TRAPPC13: variants seen among roughly 807,000 people sequenced by gnomAD.
The protein encoded by TRAPPC13 is trafficking protein particle complex subunit 13, also known as REV7-interacting novel NHEJ regulator 1.
Under a neutral mutation model 54.0 loss-of-function variants are expected in TRAPPC13, and 39 were observed. The ratio of observed to expected loss-of-function variants is 0.72; its 90% CI spans 0.56 to 0.94. The LOEUF (loss-of-function observed/expected upper bound fraction) is 0.94, where lower values mean the gene tolerates loss of function less well. TRAPPC13 is among the 40% of genes least tolerant of loss of function. TRAPPC13 has a pLI of 0.00. For synonymous variants in TRAPPC13, 148 were observed against 167.7 expected (o/e 0.88, Z 0.91); for missense variants, 386 against 488.1 (o/e 0.79, Z 1.97).
At position 65,644,586 on chromosome 5, in the gene TRAPPC13, G is replaced by A. The variant is rs77877713; in HGVS notation, c.301-2469G>A. On this transcript the variant is annotated intron_variant, in intron 4 of 12. Transcript: ENST00000399438. ...TCTTTTTTTCTCTAATTTCAAAAAT[G>A]TTTAAGAATTTATATCTGGGCGCAG... Among the ~76,000 whole-genome samples the A allele has an allele frequency of 7.9e-3, 1,209 of 152,244 alleles. 11 individuals are homozygous for A. Among genetic ancestry groups the A allele is most frequent in the Non-Finnish European group, 0.011 (744 of 68,020 alleles).
Position 65,650,879 on chromosome 5 carries a change from T to C in TRAPPC13, c.498T>C (p.Phe166=). The change falls in exon 6 of 13, where the codon TTT becomes TTC. Residue 166 remains phenylalanine, a synonymous_variant. Transcript: ENST00000399438. ...EKMYFRKFFK[F]QVLKPLDVKT... Reference sequence around the variant, plus strand: ...TGTATTTCAGAAAATTCTTCAAATTTCAGGTATTGAATATGACAATGGTAA... The same window carrying C: ...TGTATTTCAGAAAATTCTTCAAATTCCAGGTATTGAATATGACAATGGTAA... 6.2e-7 allele frequency: 1 copy of C among 1,609,038 alleles called. No homozygotes were observed. Among genetic ancestry groups the C allele is most frequent in the Non-Finnish European group, 8.5e-7 (1 of 1,175,746 alleles).
At chr5:65,630,821 A>G (rs1379266506) in intron 1 of TRAPPC13, 2 of 336,868 alleles carry the variant, frequency 5.9e-6, no homozygotes, top group Non-Finnish European at 8.4e-6. Flanking sequence ...TCAAACAACG[A>G]TACAAAATGT....
intron 1 of TRAPPC13, among the ~76,000 whole-genome samples, chr5:65,628,703 C>G (rs1026737474): frequency 6.6e-6 from 1 of 151,982 alleles, no homozygotes; most frequent in East Asian, 1.9e-4. Flanking sequence ...AGCTCCTGAC[C>G]TCGTGATCTG....
At chr5:65,663,434 T>C (rs1756911514) in intron 11 of TRAPPC13, 1 of 152,158 alleles carries the variant, frequency 6.6e-6, no homozygotes, top group Non-Finnish European at 1.5e-5. Context: ...CTCTGGCACA[T>C]AGTAGCCATC....
intron 5 of TRAPPC13, among the ~76,000 whole-genome samples, chr5:65,648,769 T>C (rs914931477): frequency 6.6e-6 from 1 of 152,192 alleles, no homozygotes; most frequent in Admixed American, 6.5e-5. Context: ...TATTAAAATA[T>C]TAATATATTT....
intron 1 of TRAPPC13, among the ~76,000 whole-genome samples, chr5:65,632,054 T>C (rs911436196): frequency 6.6e-6 from 1 of 151,874 alleles, no homozygotes; most frequent in Non-Finnish European, 1.5e-5. Flanking sequence ...CTTACCAGCC[T>C]GGGCAACATG....
At chr5:65,652,200 G>A (rs1413943401) in intron 6 of TRAPPC13, among the ~76,000 whole-genome samples, 1 of 151,766 alleles carries the variant, frequency 6.6e-6, no homozygotes, top group Non-Finnish European at 1.5e-5. Flanking sequence ...TGTGAATATA[G>A]ATATAGAAAA....
chr5:65,661,893 T>C, intron 10 of TRAPPC13, 157 bp from the exon 11 acceptor site: 1 of 519,880 alleles, frequency 1.9e-6, no homozygotes, highest in Non-Finnish European at 3.3e-6. Flanking sequence ...CAAAAGAATT[T>C]AAAATGAGAG....
chr5:65,637,513 C>A (rs1755794267), intron 3 of TRAPPC13, among the ~76,000 whole-genome samples, 183 bp from the exon 4 acceptor site: 1 of 151,716 alleles, frequency 6.6e-6, no homozygotes. Flanking sequence ...TGCCTGTAGT[C>A]TCAGCTACTC....
In TRAPPC13 at chr5:65,635,355, A is replaced by C. The variant is rs1561764941; in HGVS notation, c.101A>C (p.Glu34Ala). The change falls in exon 2 of 13, where the codon GAG (glutamate) becomes GCG (alanine). Residue 34 changes from glutamate (E) to alanine (A), a missense_variant. Coordinates refer to ENST00000399438, the MANE Select transcript of TRAPPC13 (RefSeq NM_024941.4). ...ACCAATATCCCAGTAACATGTGAAGAGAAAGACTTACCTGGTATGGCACAT... is the reference window on the plus strand; with the variant it reads ...ACCAATATCCCAGTAACATGTGAAGCGAAAGACTTACCTGGTATGGCACAT... ...LFTNIPVTCEEKDLPGDLFNQ... is the reference protein window; with the variant it reads ...LFTNIPVTCEAKDLPGDLFNQ... 1 of 1,613,374 alleles carries C rather than the reference A, an allele frequency of 6.2e-7. No individual in the cohort carries two copies. Among genetic ancestry groups the C allele is most frequent in the East Asian group, 2.2e-5 (1 of 44,842 alleles).
Position 65,660,799 on chromosome 5 carries a change from A to G in TRAPPC13, c.799A>G (p.Ile267Val), listed in dbSNP as rs577895755. ...GAATGAATTTGCAGAAAAAGCAGGC[A>G]TCATTAAGGGAGTAACAGTAATTGG... ...PKNEFAEKAG[I>V]IKGVTVIGKL... Residue 267 changes from isoleucine (I) to valine (V), a missense_variant, in exon 10 of 13, where the codon ATC (isoleucine) becomes GTC (valine). Physicochemically the swap from Ile to Val is conservative, Grantham distance 29. Transcript: ENST00000399438. 2 of 1,613,844 alleles carry G rather than the reference A, an allele frequency of 1.2e-6. No homozygotes were observed. Among genetic ancestry groups the G allele is most frequent in the African/African-American group, 1.3e-5 (1 of 75,040 alleles).
intron 1 of TRAPPC13, chr5:65,630,766 T>G (rs1755512377): frequency 1.4e-6 from 1 of 730,106 alleles, no homozygotes; most frequent in Non-Finnish European, 1.7e-6. Flanking sequence ...TCTAGATTTA[T>G]AATGATGTTT....
intron 1 of TRAPPC13, chr5:65,626,151 G>A (rs1316710439): frequency 6.6e-6 from 1 of 152,152 alleles, no homozygotes; most frequent in Admixed American, 6.5e-5. Flanking sequence ...TGGAGAAGAG[G>A]GAAAAGAAGA....
chr5:65,655,671 T>A lies in TRAPPC13; in HGVS notation c.564+18T>A. 1.2e-6 allele frequency: 1 copy of A among 830,914 alleles called. No homozygotes were observed. The highest frequency in any genetic ancestry group is 3.4e-4 in the Middle Eastern group (1 of 2,908). The allele number at this position is 830,914 out of a possible 1,614,324, so 51.5% of individuals were successfully genotyped here. On this transcript the variant is annotated intron_variant, in intron 8 of 12. Transcript: ENST00000399438. ...GTTCTGTGGTAATTTGATTTTTTAT[T>A]ATAAATTTTTATACTTTTCTTACTC...
chr5:65,653,684 T>A (rs1027109694), intron 7 of TRAPPC13, among the ~76,000 whole-genome samples: 1 of 152,062 alleles, frequency 6.6e-6, no homozygotes, highest in African/African-American at 2.4e-5. Context: ...TGGAAACAAG[T>A]GTCAAAGCAG....
intron 4 of TRAPPC13, among the ~76,000 whole-genome samples, chr5:65,640,940 CTTT>C (rs5868413): frequency 6.8e-6 from 1 of 147,088 alleles, no homozygotes; most frequent in African/African-American, 2.5e-5. Flanking sequence ...CTTTTTCTTT[CTTT>C]TTTTTTTTGA....
In TRAPPC13 at chr5:65,665,041, A is replaced by G. The variant is rs528263808; in HGVS notation, c.*430A>G. 5.3e-6 allele frequency: 1 copy of G among 189,628 alleles called. No individual in the cohort carries two copies. Among genetic ancestry groups the G allele is most frequent in the South Asian group, 9.2e-5 (1 of 10,898 alleles). The allele number at this position is 189,628 out of a possible 1,614,324, so 11.7% of individuals were successfully genotyped here. A position where few individuals can be genotyped will look rare whatever the true frequency, so the allele number is the denominator to read the frequency against. ...CGTACTTCAAGAGCAGCCAGTAGGC[A>G]AAAAAAGTACAGTGGTGTACACAAA... On this transcript the variant is annotated 3_prime_UTR_variant, in exon 13 of 13. Coordinates refer to ENST00000399438, the MANE Select transcript of TRAPPC13 (RefSeq NM_024941.4).
At chr5:65,660,028 A>T (rs1182279198) in intron 9 of TRAPPC13, among the ~76,000 whole-genome samples, 2 of 151,464 alleles carry the variant, frequency 1.3e-5, no homozygotes, top group Admixed American at 6.6e-5. Flanking sequence ...TTGGGATAGC[A>T]TCTGAATTTC....
rs1040984094 is a variant in TRAPPC13, at chr5:65,642,254, C to T, written c.300+4474C>T. On this transcript the variant is annotated intron_variant, in intron 4 of 12. Coordinates refer to ENST00000399438, the MANE Select transcript of TRAPPC13 (RefSeq NM_024941.4). ...AGGAGAATCGCTTGAACTTAGGAGG[C>T]GGAGGTTGCGGTGAGCCGAGATTGT... Among the ~76,000 whole-genome samples the T allele has an allele frequency of 1.3e-4, 19 of 151,896 alleles. No homozygotes were observed. The Middle Eastern group carries it at 0.014, about 110-fold the overall frequency.
Sources: gnomAD v4.1 joint callset for allele counts (sites outside exome capture counted in the v4.1 genomes callset) on GRCh38, gnomAD v4.1.1 for gene constraint, MANE v1.5 for transcripts, NCBI Gene and HGNC (gene_info 2026-07-23, HGNC 2026-07-21) for gene names.